Variants in NOL4L observed in about 807,000 individuals in gnomAD.
The protein encoded by NOL4L is nucleolar protein 4-like.
Under a neutral mutation model 64.5 loss-of-function variants are expected in NOL4L, and 7 were observed. The observed-to-expected ratio is 0.11, with a 90% CI of 0.06 to 0.20. NOL4L has a LOEUF of 0.20. Among genes scored for constraint, NOL4L ranks in the 10% least tolerant of loss-of-function variants. The pLI, the probability that NOL4L is intolerant of heterozygous loss-of-function variation, is 1.00. For missense variants in NOL4L, 680 were observed against 967.1 expected, an observed-to-expected ratio of 0.70 and a Z score of 3.94; for synonymous variants, 413 against 401.0, an observed-to-expected ratio of 1.03 and a Z score of -0.36.
chr20:32,516,628 TG>T (rs1274721885), intron 3 of NOL4L, among the ~76,000 whole-genome samples: 1 of 152,132 alleles, frequency 6.6e-6, no homozygotes, highest in Non-Finnish European at 1.5e-5. Flanking sequence ...CCTTGTGAGG[TG>T]GGTGCTCATA....
chr20:32,521,616 G>A (rs544589337), intron 2 of NOL4L, among the ~76,000 whole-genome samples: 2 of 152,326 alleles, frequency 1.3e-5, no homozygotes, highest in South Asian at 2.1e-4. Context: ...TTGAGGAGGA[G>A]GACAGGGATG....
At chr20:32,492,144 CTGGTAGGCTGG>C (rs75059933) in intron 4 of NOL4L, among the ~76,000 whole-genome samples, 2,317 of 152,252 alleles carry the variant, frequency 0.015, 17 homozygotes, top group Admixed American at 0.021. Flanking sequence ...ACATAGCAGA[CTGGTAGGCTGG>C]TCATAGCAGC....
chr20:32,453,138 G>T lies in NOL4L; in HGVS notation c.1498-132C>A. ...AGCGCCTCAGTCTATGGAGCTGTGT[G>T]ATCTTTCTGGGCCTTAGTTCCCTCA... On this transcript the variant is annotated intron_variant, in intron 8 of 10. Transcript: ENST00000621426. This position sits in a 1 kb window ranked among gnomAD's most constrained non-coding sequence, Gnocchi z 5.6. The T allele has an allele frequency of 1.4e-6, 2 of 1,433,072 alleles. No homozygotes were observed. The highest frequency in any genetic ancestry group is 1.3e-5 in the South Asian group (1 of 77,906). 88.8% of individuals were successfully genotyped at this position (1,433,072 alleles called of 1,614,324 possible). A position where few individuals can be genotyped will look rare whatever the true frequency, so the allele number is the denominator to read the frequency against.
intron 1 of NOL4L, among the ~76,000 whole-genome samples, chr20:32,542,189 G>A (rs1238017860): frequency 2.0e-5 from 3 of 152,186 alleles, no homozygotes; most frequent in South Asian, 4.1e-4. Context: ...GTGCCTCCTC[G>A]GGCTAGCTGC....
chr20:32,455,623 A>G (rs2013420076), intron 6 of NOL4L, among the ~76,000 whole-genome samples: 1 of 152,116 alleles, frequency 6.6e-6, no homozygotes, highest in African/African-American at 2.4e-5. Flanking sequence ...AGGGGTACGT[A>G]CTGTGCCCAC....
At chr20:32,556,149 A>G (rs376632455) in intron 1 of NOL4L, among the ~76,000 whole-genome samples, 34 of 152,292 alleles carry the variant, frequency 2.2e-4, no homozygotes, top group Middle Eastern at 6.8e-3. Flanking sequence ...AGAGCCAGAG[A>G]GGCTCTGCGG....
At chr20:32,515,203 G>C (rs551917016) in intron 3 of NOL4L, among the ~76,000 whole-genome samples, 147 of 152,268 alleles carry the variant, frequency 9.7e-4, no homozygotes, top group African/African-American at 3.4e-3. Flanking sequence ...CACTTCCCGT[G>C]CCTGCAGGTA....
intron 1 of NOL4L, among the ~76,000 whole-genome samples, chr20:32,541,781 T>A (rs535978221): frequency 2.2e-4 from 34 of 152,388 alleles, no homozygotes; most frequent in Admixed American, 5.9e-4. Context: ...GCCCAGGACG[T>A]CGCTTTAGGA....
rs1031242723 is a variant in NOL4L, at chr20:32,513,421, A to G, written c.590-1965T>C. 3.3e-5 allele frequency among the ~76,000 whole-genome samples: 5 copies of G among 152,222 alleles called. No individual in the cohort carries two copies. In the East Asian group the frequency reaches 7.7e-4, roughly 23 times the overall value. ...AATAGGCAAATTCAAAGAGACAGAA[A>G]GTAACTCGAGGTTACTGGGGACTGG... On this transcript the variant is annotated intron_variant, in intron 3 of 10. Transcript: ENST00000621426.
chr20:32,511,047 G>A (rs1037189457), intron 4 of NOL4L, among the ~76,000 whole-genome samples: 3 of 152,100 alleles, frequency 2.0e-5, no homozygotes, highest in African/African-American at 7.2e-5. Flanking sequence ...ACAACTCCAG[G>A]GGCCAGGGCT....
intron 5 of NOL4L, 76 bp downstream of exon 5, chr20:32,474,525 C>T: frequency 6.6e-7 from 1 of 1,517,806 alleles, no homozygotes; most frequent in Non-Finnish European, 8.8e-7. Flanking sequence ...AGTGTGTCCA[C>T]ACCTCTCACC....
intron 5 of NOL4L, among the ~76,000 whole-genome samples, chr20:32,472,617 A>G (rs2015103347): frequency 6.6e-6 from 1 of 152,210 alleles, no homozygotes; most frequent in South Asian, 2.1e-4. Flanking sequence ...AAGATGGCCC[A>G]GGACTCTAGG....
intron 5 of NOL4L, among the ~76,000 whole-genome samples, chr20:32,458,443 C>T (rs2013752038): frequency 6.6e-6 from 1 of 152,232 alleles, no homozygotes; most frequent in Non-Finnish European, 1.5e-5. Context: ...GATCCTCATG[C>T]TCCCTTCCCC....
intron 1 of NOL4L, among the ~76,000 whole-genome samples, chr20:32,563,572 T>C (rs565645134): frequency 3.5e-4 from 53 of 152,170 alleles, no homozygotes; most frequent in African/African-American, 1.3e-3. Context: ...ATATTCCTCA[T>C]GTTCTCTCAC....
At position 32,545,399 on chromosome 20, in the gene NOL4L, C is replaced by T. The variant is rs566677192; in HGVS notation, c.322-17486G>A. 2.6e-5 allele frequency among the ~76,000 whole-genome samples: 4 copies of T among 152,354 alleles called. No homozygotes were observed. The South Asian group carries it at 8.3e-4, about 32-fold the overall frequency. ...TTGAACTTCGTCCACCTTGGGGCCA[C>T]TCACACGTGTGCGATGTCACGTTGA... is the stretch of plus-strand genomic sequence containing the variant. On this transcript the variant is annotated intron_variant, in intron 1 of 10. Transcript: ENST00000621426.
At chr20:32,580,354 G>A (rs1294289206) in intron 1 of NOL4L, among the ~76,000 whole-genome samples, 1 of 152,150 alleles carries the variant, frequency 6.6e-6, no homozygotes, top group Admixed American at 6.6e-5. Flanking sequence ...GAAATATTGA[G>A]GGACTCAACC....
chr20:32,498,276 C>T (rs2016776304), intron 4 of NOL4L, among the ~76,000 whole-genome samples: 1 of 152,124 alleles, frequency 6.6e-6, no homozygotes. Context: ...AGAGGAAATG[C>T]TCATTTTCTG....
chr20:32,570,448 G>A (rs1199992328), intron 1 of NOL4L, among the ~76,000 whole-genome samples: 6 of 152,310 alleles, frequency 3.9e-5, no homozygotes, highest in East Asian at 1.9e-4. Context: ...AAGGGGCAGC[G>A]GAGGAAGGCC....
At chr20:32,447,932 C>G in intron 10 of NOL4L, 116 bp from the exon 11 acceptor site, 2 of 1,281,418 alleles carry the variant, frequency 1.6e-6, no homozygotes, top group Non-Finnish European at 2.1e-6. Context: ...GAGTTGGGCA[C>G]TGAAGTCCGT....
Sources: gnomAD v4.1 joint callset for allele counts (sites outside exome capture counted in the v4.1 genomes callset) on GRCh38, gnomAD v4.1.1 for gene constraint, Gnocchi (gnomAD v3.1) non-coding constraint, MANE v1.5 for transcripts, NCBI Gene and HGNC (gene_info 2026-07-23, HGNC 2026-07-21) for gene names.